MDH1B: variants seen among roughly 807,000 people sequenced by gnomAD.
MDH1B encodes malate dehydrogenase 1B, also known as putative malate dehydrogenase 1B.
MDH1B carries 60 observed loss-of-function variants against 61.4 expected under a neutral mutation model. The ratio of observed to expected loss-of-function variants is 0.98; its 90% CI spans 0.79 to 1.21. MDH1B has a LOEUF of 1.21. Ranked by LOEUF, MDH1B falls within the 50% of genes most tolerant of loss-of-function variation. The pLI is 0.00. For missense variants in MDH1B, 587 were observed against 632.1 expected (o/e 0.93, Z 0.76); for synonymous variants, 236 against 218.7 (o/e 1.08, Z -0.70).
At chr2:206,757,079 G>C in intron 3 of MDH1B, 39 bp from the exon 4 acceptor site, 1 of 1,590,216 alleles carries the variant, frequency 6.3e-7, no homozygotes, top group Non-Finnish European at 8.6e-7. Flanking sequence ...TCAGAGAATA[G>C]ATAACTAGTT....
In MDH1B at chr2:206,751,084, A is replaced by G; in HGVS notation, c.911-9T>C. On this transcript the variant is annotated splice_polypyrimidine_tract_variant and intron_variant, in intron 5 of 11. Transcript: ENST00000374412. ...GATCACGTCTTTAATGTCTGTGAAG[A>G]ATAGAAAGTTTAGAAAAATAATAAT... 1 of 1,520,070 alleles carries G rather than the reference A, an allele frequency of 6.6e-7. No homozygotes were observed. The allele number at this position is 1,520,070 out of a possible 1,614,324, so 94.2% of individuals were successfully genotyped here. A position where few individuals can be genotyped will look rare whatever the true frequency, so the allele number is the denominator to read the frequency against.
At chr2:206,764,337 T>C (rs1324709554) in intron 1 of MDH1B, among the ~76,000 whole-genome samples, 1 of 151,528 alleles carries the variant, frequency 6.6e-6, no homozygotes, top group Non-Finnish European at 1.5e-5. Flanking sequence ...TAGATGTCAA[T>C]TGTGTTCAAT....
chr2:206,763,464 T>C (rs561482039), intron 1 of MDH1B, among the ~76,000 whole-genome samples: 11 of 152,304 alleles, frequency 7.2e-5, no homozygotes, highest in South Asian at 2.1e-4. Context: ...TCCTGGACTA[T>C]AGCACTAGTC....
At chr2:206,764,118 A>G (rs1574655755) in intron 1 of MDH1B, among the ~76,000 whole-genome samples, 2 of 151,948 alleles carry the variant, frequency 1.3e-5, no homozygotes, top group African/African-American at 4.8e-5. Context: ...GGGCAACATG[A>G]CAAAACCCCA....
Position 206,745,644 on chromosome 2 carries a change from T to G in MDH1B, c.1386A>C (p.Ile462=). 1 of 1,612,602 alleles carries G rather than the reference T, an allele frequency of 6.2e-7. No individual in the cohort carries two copies. The highest frequency in any genetic ancestry group is 8.5e-7 in the Non-Finnish European group (1 of 1,179,148). Residue 462 remains isoleucine (I), a synonymous_variant, in exon 9 of 12, where the codon ATA becomes ATC. Transcript: ENST00000374412. ...TACCTGATTGGTATGGCTGAAAATG[T>G]ATCTTGTCTCCAAGTGCAACAAGTT... ...QEKLVALGDK[I]HFQPYQSGHK...
chr2:206,761,069 G>A (rs1197515023), intron 1 of MDH1B, 56 bp from the exon 2 acceptor site: 2 of 920,380 alleles, frequency 2.2e-6, no homozygotes, highest in Non-Finnish European at 3.4e-6. Flanking sequence ...TTATTATGTA[G>A]TTCTAAGTAT....
chr2:206,754,975 A>C, intron 5 of MDH1B, 34 bp downstream of exon 5: 1 of 1,588,896 alleles, frequency 6.3e-7, no homozygotes, highest in Non-Finnish European at 8.6e-7. Flanking sequence ...TTGTTTCAAA[A>C]TAAAAACAAA....
rs771693283 is a variant in MDH1B, at chr2:206,757,010, T to C, written c.301A>G (p.Thr101Ala). Residue 101 changes from threonine to alanine, a missense_variant, in exon 4 of 12, where the codon ACT (threonine) becomes GCT (alanine). Thr to Ala is a moderately conservative substitution (Grantham distance 58). Coordinates refer to ENST00000374412, the MANE Select transcript of MDH1B (RefSeq NM_001039845.3). ...TGAGCAATTACCATCATCAGTTCAG[T>C]CGTCATGCTAGAGGTGACATCATAG... is the stretch of plus-strand genomic sequence containing the variant. ...LYYDVTSSMT[T>A]ELMMVIAQEN... The C allele has an allele frequency of 3.0e-5, 48 of 1,613,842 alleles. No homozygotes were observed. The highest frequency in any genetic ancestry group is 3.7e-5 in the Non-Finnish European group (44 of 1,179,798).
At chr2:206,745,699 T>G (rs1039327384) in intron 8 of MDH1B, 26 bp from the exon 9 acceptor site, 2 of 1,508,648 alleles carry the variant, frequency 1.3e-6, no homozygotes, top group Non-Finnish European at 1.8e-6. Context: ...AATCACAGAA[T>G]TAAATGACCA....
intron 6 of MDH1B, among the ~76,000 whole-genome samples, chr2:206,750,071 G>A (rs1030940547): frequency 6.6e-5 from 10 of 152,006 alleles, no homozygotes; most frequent in Non-Finnish European, 1.3e-4. Flanking sequence ...TAGTGAACTC[G>A]GGACACATCA....
rs529841770 is a variant in MDH1B at position 206,738,482 on chromosome 2, G to A, written c.*1C>T. 1.9e-6 allele frequency: 3 copies of A among 1,579,076 alleles called. No homozygotes were observed. Among genetic ancestry groups the A allele is most frequent in the Admixed American group, 3.5e-5 (2 of 57,468 alleles). On this transcript the variant is annotated 3_prime_UTR_variant, in exon 12 of 12. Transcript: ENST00000374412. ...TTATATATTTCATCCAATTTGATCT[G>A]TTAGGATTCCACGGTTTTGCCTTCA...
intron 10 of MDH1B, among the ~76,000 whole-genome samples, chr2:206,740,720 T>C (rs1191720257): frequency 2.6e-5 from 4 of 152,226 alleles, no homozygotes; most frequent in Admixed American, 2.6e-4. Context: ...CTGAGGAAGA[T>C]GCTATCTTGC....
At chr2:206,740,700 C>T (rs537277941) in intron 10 of MDH1B, among the ~76,000 whole-genome samples, 1 of 152,268 alleles carries the variant, frequency 6.6e-6, no homozygotes, top group Non-Finnish European at 1.5e-5. Flanking sequence ...CTTTTCCTCT[C>T]ACCTGTGTTC....
intron 8 of MDH1B, 75 bp downstream of exon 8, chr2:206,746,212 T>C (rs1688100977): frequency 5.4e-6 from 7 of 1,300,712 alleles, no homozygotes; most frequent in Non-Finnish European, 7.1e-6. Flanking sequence ...GAAAAACCAA[T>C]GTATGCCTTG....
chr2:206,739,083 G>A (rs531959178), intron 11 of MDH1B, among the ~76,000 whole-genome samples: 3 of 152,216 alleles, frequency 2.0e-5, no homozygotes, highest in Non-Finnish European at 2.9e-5. Context: ...TTCATCTTGA[G>A]GGAAGGATTT....
chr2:206,738,991 T>C (rs1395229384), intron 11 of MDH1B, among the ~76,000 whole-genome samples: 1 of 152,202 alleles, frequency 6.6e-6, no homozygotes, highest in Non-Finnish European at 1.5e-5. Context: ...CACAAAGAAA[T>C]CTACGTCAGC....
chr2:206,749,287 G>T, intron 6 of MDH1B, 104 bp from the exon 7 acceptor site: 2 of 896,472 alleles, frequency 2.2e-6, no homozygotes, highest in Non-Finnish European at 3.3e-6. Flanking sequence ...CTAATCCACA[G>T]TCAAAATAGA....
intron 9 of MDH1B, among the ~76,000 whole-genome samples, chr2:206,743,900 C>G (rs536131044): frequency 9.0e-4 from 137 of 152,300 alleles, no homozygotes; most frequent in Non-Finnish European, 1.5e-3. Flanking sequence ...CTAAATATCT[C>G]TCAAATTTCT....
intron 5 of MDH1B, among the ~76,000 whole-genome samples, chr2:206,753,267 A>G (rs893055976): frequency 6.6e-6 from 1 of 152,174 alleles, no homozygotes; most frequent in African/African-American, 2.4e-5. Context: ...ATGTGGGGAA[A>G]AAAGTTCTCT....
Sources: gnomAD v4.1 joint callset for allele counts (sites outside exome capture counted in the v4.1 genomes callset) on GRCh38, gnomAD v4.1.1 for gene constraint, MANE v1.5 for transcripts, NCBI Gene and HGNC (gene_info 2026-07-23, HGNC 2026-07-21) for gene names.